The following NXPH1 variants were observed in gnomAD, a reference collection of about 807,000 sequenced individuals.
NXPH1 encodes the protein neurexophilin 1, also known as neurexophilin-1.
Under a neutral mutation model 23.7 loss-of-function variants are expected in NXPH1, and 5 were observed. The ratio of observed to expected loss-of-function variants is 0.21; its 90% CI spans 0.11 to 0.44. The LOEUF (loss-of-function observed/expected upper bound fraction) is 0.44, where lower values mean the gene tolerates loss of function less well. Among genes scored for constraint, NXPH1 ranks in the 20% least tolerant of loss-of-function variants. NXPH1 has a pLI of 0.99. For synonymous variants in NXPH1, 144 were observed against 122.2 expected, an observed-to-expected ratio of 1.18 and a Z score of -1.18; for missense variants, 324 against 321.6, an observed-to-expected ratio of 1.01 and a Z score of -0.06.
At chr7:8,712,825 C>G (rs1396494369) in intron 2 of NXPH1, among the ~76,000 whole-genome samples, 1 of 152,084 alleles carries the variant, frequency 6.6e-6, no homozygotes, top group African/African-American at 2.4e-5. Flanking sequence ...TTATCTCTTT[C>G]CTCTTGCTGC....
At chr7:8,510,229 A>C (rs181210042) in intron 2 of NXPH1, among the ~76,000 whole-genome samples, 16 of 152,302 alleles carry the variant, frequency 1.1e-4, no homozygotes, top group African/African-American at 3.8e-4. Context: ...CATTTTCAAC[A>C]TTGAAATGAC....
chr7:8,453,800 A>AT (rs1304682273), intron 2 of NXPH1, among the ~76,000 whole-genome samples: 2 of 151,948 alleles, frequency 1.3e-5, no homozygotes, highest in Non-Finnish European at 2.9e-5. Context: ...TATGTACCAA[A>AT]TTTTTTTTAT....
chr7:8,520,318 A>G (rs1469889315), intron 2 of NXPH1, among the ~76,000 whole-genome samples: 1 of 152,174 alleles, frequency 6.6e-6, no homozygotes, highest in Non-Finnish European at 1.5e-5. Context: ...TTAAGGGGAA[A>G]AGCAGCAGCA....
chr7:8,547,844 T>A (rs2128619259), intron 2 of NXPH1, among the ~76,000 whole-genome samples: 1 of 151,658 alleles, frequency 6.6e-6, no homozygotes, highest in East Asian at 2.0e-4. Context: ...TTTTCATGGC[T>A]GCATAGTACT....
intron 2 of NXPH1, among the ~76,000 whole-genome samples, chr7:8,699,681 T>C (rs1226062233): frequency 6.6e-6 from 1 of 152,160 alleles, no homozygotes; most frequent in Non-Finnish European, 1.5e-5. Context: ...AGGGTTTTGA[T>C]GATGGGGAAA....
chr7:8,653,855 A>G (rs1216355957), intron 2 of NXPH1, among the ~76,000 whole-genome samples: 1 of 152,198 alleles, frequency 6.6e-6, no homozygotes, highest in South Asian at 2.1e-4. Context: ...ATTTCTTACA[A>G]TACATAGCTG....
chr7:8,574,563 GA>G (rs1269011538), intron 2 of NXPH1, among the ~76,000 whole-genome samples: 1 of 152,154 alleles, frequency 6.6e-6, no homozygotes. Flanking sequence ...AAGGAAGATG[GA>G]ACCCCAGATG....
chr7:8,623,732 A>AT (rs145226023), intron 2 of NXPH1, among the ~76,000 whole-genome samples: 2,926 of 148,650 alleles, frequency 0.02, 63 homozygotes, highest in African/African-American at 0.023. Context: ...TTTATTGTCA[A>AT]TTTTTTTCTG....
At chr7:8,576,481 G>T (rs556756256) in intron 2 of NXPH1, among the ~76,000 whole-genome samples, 1 of 152,128 alleles carries the variant, frequency 6.6e-6, no homozygotes, top group Non-Finnish European at 1.5e-5. Flanking sequence ...CTTGAAGTAC[G>T]TTTGAATGAA....
intron 2 of NXPH1, among the ~76,000 whole-genome samples, chr7:8,631,948 T>C (rs1562436235): frequency 6.6e-6 from 1 of 152,186 alleles, no homozygotes; most frequent in African/African-American, 2.4e-5. Flanking sequence ...ATAATAAATG[T>C]CCTCAGTTTT....
chr7:8,442,003 G>A lies in NXPH1; in HGVS notation c.54+6236G>A, dbSNP rs1816309353. On this transcript the variant is annotated intron_variant, in intron 2 of 2. Coordinates refer to ENST00000405863, the MANE Select transcript of NXPH1 (RefSeq NM_152745.3). The surrounding 1 kb of genome is among the most constrained non-coding windows in gnomAD (Gnocchi z 4.6). ...TTGCCGAAAGTTCCTTAGGCGTCTA[G>A]TCAGGGGTTCGGGGTGGTGGAAAGC... 6.6e-6 allele frequency among the ~76,000 whole-genome samples: 1 copy of A among 152,148 alleles called. No homozygotes were observed. Among genetic ancestry groups the A allele is most frequent in the Non-Finnish European group, 1.5e-5 (1 of 68,034 alleles).
intron 2 of NXPH1, among the ~76,000 whole-genome samples, chr7:8,726,477 C>A (rs1431822572): frequency 8.9e-6 from 1 of 112,028 alleles, no homozygotes; most frequent in Non-Finnish European, 1.8e-5. Context: ...CAATGCCGTC[C>A]CTCCCCCCTC....
Position 8,435,511 on chromosome 7 carries a change from C to G in NXPH1, c.-110-93C>G, listed in dbSNP as rs1263964401. ...CCTCCCTCCCTTTTTTTTTTGGTCC[C>G]CCACTCCCCGCTACGACCCCCTTTC... On this transcript the variant is annotated intron_variant, in intron 1 of 2. Coordinates refer to ENST00000405863, the MANE Select transcript of NXPH1 (RefSeq NM_152745.3). This position sits in a 1 kb window ranked among gnomAD's most constrained non-coding sequence, Gnocchi z 5.9. The G allele has an allele frequency of 5.2e-6, 3 of 573,578 alleles. No individual in the cohort carries two copies. Among genetic ancestry groups the G allele is most frequent in the Non-Finnish European group, 6.2e-6 (2 of 321,260 alleles). The allele number at this position is 573,578 out of a possible 1,614,324, so 35.5% of individuals were successfully genotyped here.
At chr7:8,530,664 A>G (rs1287435454) in intron 2 of NXPH1, among the ~76,000 whole-genome samples, 8 of 152,210 alleles carry the variant, frequency 5.3e-5, no homozygotes, top group African/African-American at 1.4e-4. Context: ...AGGTGAGTCA[A>G]CAGAGGAGAT....
intron 2 of NXPH1, among the ~76,000 whole-genome samples, chr7:8,511,724 A>C (rs967761398): frequency 1.3e-5 from 2 of 152,146 alleles, no homozygotes; most frequent in Non-Finnish European, 2.9e-5. Context: ...AGCAAATAAC[A>C]ATTATTTCTG....
At chr7:8,738,248 T>C (rs1467741001) in intron 2 of NXPH1, among the ~76,000 whole-genome samples, 1 of 152,164 alleles carries the variant, frequency 6.6e-6, no homozygotes, top group Admixed American at 6.5e-5. Flanking sequence ...TTTGCACTGG[T>C]TTTTCCTCAT....
intron 2 of NXPH1, among the ~76,000 whole-genome samples, chr7:8,716,602 A>G (rs1007334573): frequency 1.3e-5 from 2 of 152,216 alleles, no homozygotes; most frequent in African/African-American, 4.8e-5. Context: ...ACTTGTGAAA[A>G]ATATGTTTCT....
intron 2 of NXPH1, among the ~76,000 whole-genome samples, chr7:8,641,505 A>AACACT (rs1335838467): frequency 3.9e-5 from 6 of 152,138 alleles, no homozygotes; most frequent in Admixed American, 1.3e-4. Flanking sequence ...ACACTGCAAC[A>AACACT]ACACTACTCC....
At chr7:8,471,084 G>A (rs576642354) in intron 2 of NXPH1, among the ~76,000 whole-genome samples, 1 of 152,094 alleles carries the variant, frequency 6.6e-6, no homozygotes, top group African/African-American at 2.4e-5. Context: ...TGGGTTTTCA[G>A]TGAGTTTATA....
Sources: allele counts gnomAD v4.1 joint callset (sites outside exome capture counted in the v4.1 genomes callset), GRCh38; gene constraint gnomAD v4.1.1; non-coding constraint Gnocchi (gnomAD v3.1); transcripts MANE v1.5; gene names NCBI Gene and HGNC (gene_info 2026-07-23, HGNC 2026-07-21).